Variants in TBC1D19 observed in about 807,000 individuals in gnomAD.
The protein encoded by TBC1D19 is TBC1 domain family, member 19.
Under a neutral mutation model 89.0 loss-of-function variants are expected in TBC1D19, and 60 were observed. The ratio of observed to expected loss-of-function variants is 0.67; its 90% CI spans 0.55 to 0.84. The LOEUF (loss-of-function observed/expected upper bound fraction) is 0.84, where lower values mean the gene tolerates loss of function less well. TBC1D19 is among the 40% of genes least tolerant of loss of function. TBC1D19 has a pLI of 0.00. For synonymous variants in TBC1D19, 189 were observed against 199.7 expected (o/e 0.95, Z 0.45); for missense variants, 500 against 610.8 (o/e 0.82, Z 1.91).
At chr4:26,593,803 C>A (rs1739998771) in intron 1 of TBC1D19, among the ~76,000 whole-genome samples, 1 of 152,168 alleles carries the variant, frequency 6.6e-6, no homozygotes, top group South Asian at 2.1e-4. Flanking sequence ...CCATCTCACA[C>A]CAGTTAGAAT....
chr4:26,582,579 G>T (rs1739118279), upstream of TBC1D19, among the ~76,000 whole-genome samples: 1 of 152,188 alleles, frequency 6.6e-6, no homozygotes, highest in Admixed American at 6.5e-5. Context: ...GAGGTTTGTG[G>T]TGGGAATTCA....
At chr4:26,591,553 G>T (rs1019474950) in intron 1 of TBC1D19, among the ~76,000 whole-genome samples, 1 of 152,050 alleles carries the variant, frequency 6.6e-6, no homozygotes, top group African/African-American at 2.4e-5. Flanking sequence ...CCAGGAACTG[G>T]TTTTTTGAAA....
intron 1 of TBC1D19, among the ~76,000 whole-genome samples, chr4:26,577,971 G>C (rs1340360361): frequency 6.6e-6 from 1 of 152,156 alleles, no homozygotes; most frequent in Non-Finnish European, 1.5e-5. Flanking sequence ...TATTGTCTTA[G>C]TGCAGTCTTT....
chr4:26,640,488 C>T (rs968232097), intron 7 of TBC1D19, among the ~76,000 whole-genome samples: 1 of 152,170 alleles, frequency 6.6e-6, no homozygotes, highest in Non-Finnish European at 1.5e-5. Context: ...CCAGCGTGAT[C>T]AACACAGAAG....
intron 12 of TBC1D19, among the ~76,000 whole-genome samples, chr4:26,687,679 TGGTG>T (rs1318803241): frequency 3.0e-4 from 46 of 152,306 alleles, no homozygotes; most frequent in Middle Eastern, 3.4e-3. Context: ...CTAAGCACTG[TGGTG>T]GTACTACGTA....
At chr4:26,609,077 A>C (rs1289060811) in intron 1 of TBC1D19, among the ~76,000 whole-genome samples, 1 of 41,710 alleles carries the variant, frequency 2.4e-5, no homozygotes, top group African/African-American at 9.3e-5. Context: ...GGGAGGGGGG[A>C]GGGGTAGCAT....
At chr4:26,831,347 G>C in the TBC1D19 span, among the ~76,000 whole-genome samples, 4 of 152,124 alleles carry the variant, frequency 2.6e-5, no homozygotes, top group Non-Finnish European at 4.4e-5. Context: ...AGAAGAGTTA[G>C]ATAGTAAATA....
downstream of TBC1D19, among the ~76,000 whole-genome samples, chr4:26,758,678 C>T (rs1719355403): frequency 6.6e-6 from 1 of 152,184 alleles, no homozygotes; most frequent in African/African-American, 2.4e-5. Flanking sequence ...GAAGGAAAAG[C>T]TGCTCTTTTG....
intron 19 of TBC1D19, among the ~76,000 whole-genome samples, chr4:26,751,828 C>A (rs1718983900): frequency 6.6e-6 from 1 of 152,188 alleles, no homozygotes; most frequent in Non-Finnish European, 1.5e-5. Flanking sequence ...GGCACAATGA[C>A]CAGGACCACT....
chr4:26,807,353 C>T, the TBC1D19 span, among the ~76,000 whole-genome samples: 4 of 152,298 alleles, frequency 2.6e-5, no homozygotes, highest in Middle Eastern at 3.4e-3. Context: ...CAATGAAAGC[C>T]GTTGAAACCC....
intron 13 of TBC1D19, among the ~76,000 whole-genome samples, chr4:26,696,662 C>G (rs965964885): frequency 6.6e-6 from 1 of 152,234 alleles, no homozygotes. Context: ...AACTGTCTCT[C>G]AGACCACAGT....
chr4:26,752,515 A>C (rs1478045312), intron 19 of TBC1D19, among the ~76,000 whole-genome samples: 3 of 152,090 alleles, frequency 2.0e-5, no homozygotes, highest in Non-Finnish European at 4.4e-5. Context: ...CAAAGCACTG[A>C]GATTGCAGGC....
At chr4:26,668,986 T>TACACACAC (rs3839171) in intron 9 of TBC1D19, among the ~76,000 whole-genome samples, 2,723 of 146,994 alleles carry the variant, frequency 0.019, 89 homozygotes, top group African/African-American at 0.064. Flanking sequence ...TTTAAATACA[T>TACACACAC]ACACACACAC....
chr4:26,633,603 G>A (rs968074519), intron 4 of TBC1D19, among the ~76,000 whole-genome samples: 2 of 152,070 alleles, frequency 1.3e-5, no homozygotes, highest in African/African-American at 4.8e-5. Flanking sequence ...CGGCAGTCCT[G>A]TTCCTAAATC....
intron 20 of TBC1D19, among the ~76,000 whole-genome samples, chr4:26,754,383 T>C (rs1284782181): frequency 6.6e-6 from 1 of 152,224 alleles, no homozygotes; most frequent in Middle Eastern, 3.2e-3. Context: ...AAATAGTGTT[T>C]ACTGTATTAT....
chr4:26,736,816 G>T (rs531944186), intron 16 of TBC1D19, among the ~76,000 whole-genome samples: 1 of 152,202 alleles, frequency 6.6e-6, no homozygotes, highest in East Asian at 1.9e-4. Context: ...TGAGATACAC[G>T]TGGGTGATGC....
intron 11 of TBC1D19, among the ~76,000 whole-genome samples, chr4:26,674,558 G>A (rs1180340345): frequency 6.6e-6 from 1 of 151,768 alleles, no homozygotes; most frequent in Non-Finnish European, 1.5e-5. Flanking sequence ...TTTCTAGCCT[G>A]GTGTTTAAAA....
chr4:26,663,989 T>C (rs1257520763), intron 8 of TBC1D19, among the ~76,000 whole-genome samples: 1 of 152,224 alleles, frequency 6.6e-6, no homozygotes, highest in Non-Finnish European at 1.5e-5. Flanking sequence ...TGGAGACAGC[T>C]AGTTAGGACT....
intron 3 of TBC1D19, among the ~76,000 whole-genome samples, chr4:26,618,033 C>T (rs1234342808): frequency 6.6e-6 from 1 of 152,190 alleles, no homozygotes; most frequent in Non-Finnish European, 1.5e-5. Context: ...GGAGAGTGCT[C>T]AAGCAGTAGA....
Sources: gnomAD v4.1 joint callset for allele counts (sites outside exome capture counted in the v4.1 genomes callset) on GRCh38, gnomAD v4.1.1 for gene constraint, MANE v1.5 for transcripts, NCBI Gene and HGNC (gene_info 2026-07-23, HGNC 2026-07-21) for gene names.